Variants in TTLL11 observed in about 807,000 individuals in gnomAD.
The protein encoded by TTLL11 is tubulin polyglutamylase TTLL11.
A neutral mutation model predicts 51.7 loss-of-function variants in TTLL11; 42 were observed. The observed-to-expected ratio is 0.81, with a 90% CI of 0.64 to 1.05. TTLL11 has a LOEUF of 1.05. Ranked by LOEUF, TTLL11 falls within the 50% of genes least tolerant of loss-of-function variation. The pLI, the probability that TTLL11 is intolerant of heterozygous loss-of-function variation, is 0.00. For synonymous variants in TTLL11, 381 were observed against 383.5 expected (o/e 0.99, Z 0.08); for missense variants, 799 against 940.4 (o/e 0.85, Z 1.97).
chr9:121,977,524 A>G (rs572772277), intron 4 of TTLL11, among the ~76,000 whole-genome samples: 5 of 152,276 alleles, frequency 3.3e-5, no homozygotes, highest in African/African-American at 1.2e-4. Context: ...GGCTCATTTC[A>G]TATCTTAGTT....
intron 3 of TTLL11, among the ~76,000 whole-genome samples, chr9:121,999,645 CATTCTA>C (rs1843403303): frequency 1.3e-5 from 2 of 152,210 alleles, no homozygotes; most frequent in South Asian, 4.1e-4. Flanking sequence ...CATTAGTTTC[CATTCTA>C]ATAAGCAACC....
At chr9:121,939,131 C>G (rs1018559441) in intron 6 of TTLL11, among the ~76,000 whole-genome samples, 2 of 152,190 alleles carry the variant, frequency 1.3e-5, no homozygotes, top group African/African-American at 4.8e-5. Flanking sequence ...AACAACTTGG[C>G]TTTTCCTTAG....
intron 3 of TTLL11, among the ~76,000 whole-genome samples, chr9:122,028,555 A>G (rs966504034): frequency 3.3e-5 from 5 of 152,230 alleles, no homozygotes; most frequent in Non-Finnish European, 7.3e-5. Flanking sequence ...GACAGAACTA[A>G]AAAGAGAAGC....
chr9:122,036,391 T>G (rs1308313505), intron 2 of TTLL11, among the ~76,000 whole-genome samples: 1 of 151,794 alleles, frequency 6.6e-6, no homozygotes, highest in African/African-American at 2.4e-5. Flanking sequence ...GAATGGACAG[T>G]TTTGGACTTT....
At chr9:122,082,155 C>T (rs1846016906) in intron 1 of TTLL11, among the ~76,000 whole-genome samples, 1 of 152,186 alleles carries the variant, frequency 6.6e-6, no homozygotes, top group Admixed American at 6.5e-5. Context: ...TGCCCTTTCA[C>T]CCAACAATCC....
At chr9:122,048,950 C>T (rs1268096888) in intron 1 of TTLL11, among the ~76,000 whole-genome samples, 1 of 152,098 alleles carries the variant, frequency 6.6e-6, no homozygotes, top group Non-Finnish European at 1.5e-5. Flanking sequence ...GGCTTCAGCA[C>T]CCTGTAGGCT....
At chr9:122,009,261 G>A (rs1348925523) in intron 3 of TTLL11, among the ~76,000 whole-genome samples, 1 of 151,956 alleles carries the variant, frequency 6.6e-6, no homozygotes, top group African/African-American at 2.4e-5. Flanking sequence ...ATTCCATAAT[G>A]TATGCATATT....
At chr9:121,965,279 T>C (rs1225598224) in intron 6 of TTLL11, among the ~76,000 whole-genome samples, 1 of 152,182 alleles carries the variant, frequency 6.6e-6, no homozygotes, top group East Asian at 1.9e-4. Flanking sequence ...TGAAGAGGTT[T>C]AACTGACTTA....
intron 1 of TTLL11, among the ~76,000 whole-genome samples, chr9:122,045,808 T>C (rs976136974): frequency 6.6e-6 from 1 of 152,156 alleles, no homozygotes; most frequent in African/African-American, 2.4e-5. Context: ...AAGACAAATA[T>C]CGTATGATTC....
chr9:121,993,641 G>C (rs1039549369), intron 3 of TTLL11, among the ~76,000 whole-genome samples: 35 of 152,318 alleles, frequency 2.3e-4, no homozygotes, highest in African/African-American at 8.2e-4. Context: ...CAGCACATTG[G>C]GATGATCTAT....
At chr9:121,892,635 A>G (rs1034174297) in intron 6 of TTLL11, among the ~76,000 whole-genome samples, 1 of 152,160 alleles carries the variant, frequency 6.6e-6, no homozygotes, top group Non-Finnish European at 1.5e-5. Flanking sequence ...CCATATCAAG[A>G]ACCTTTTCTG....
At chr9:121,893,577 C>G (rs908461268) in intron 6 of TTLL11, among the ~76,000 whole-genome samples, 7 of 152,158 alleles carry the variant, frequency 4.6e-5, no homozygotes, top group Admixed American at 3.9e-4. Context: ...TTTCTGTTAT[C>G]AAAACATGTC....
intron 8 of TTLL11, among the ~76,000 whole-genome samples, chr9:121,841,393 G>A (rs556257512): frequency 6.6e-6 from 1 of 152,246 alleles, no homozygotes; most frequent in South Asian, 2.1e-4. Context: ...TGGAAGGGAG[G>A]GGCTTCTCCA....
rs928487833 is a variant in TTLL11, at chr9:121,926,214, G to A, written c.1481+47795C>T. On this transcript the variant is annotated intron_variant, in intron 6 of 8. Transcript: ENST00000321582. ...CTTCAGAGGGGCCCGGGGCTGGGGT[G>A]CACAGCCAGAACTGGCCCTGGGGGA... Among the ~76,000 whole-genome samples the A allele has an allele frequency of 3.3e-5, 5 of 152,294 alleles. No homozygotes were observed. The South Asian group carries it at 1.0e-3, about 32-fold the overall frequency.
chr9:122,021,744 A>C (rs1402831188), intron 3 of TTLL11, among the ~76,000 whole-genome samples: 1 of 152,210 alleles, frequency 6.6e-6, no homozygotes, highest in Non-Finnish European at 1.5e-5. Flanking sequence ...GAATATGGAA[A>C]TATCCAACAT....
intron 6 of TTLL11, among the ~76,000 whole-genome samples, chr9:121,892,873 C>A (rs1391461489): frequency 6.6e-6 from 1 of 152,120 alleles, no homozygotes; most frequent in African/African-American, 2.4e-5. Flanking sequence ...AGTGTCAGGT[C>A]TGGCAGTCAG....
At chr9:121,992,560 A>C (rs1178198948) in intron 3 of TTLL11, among the ~76,000 whole-genome samples, 1 of 152,236 alleles carries the variant, frequency 6.6e-6, no homozygotes, top group African/African-American at 2.4e-5. Context: ...AAATAAAAAT[A>C]CCATCTGAAA....
In TTLL11 at chr9:122,043,293, G is replaced by GAT. The variant is rs373226639; in HGVS notation, c.463-3927_463-3926dup. On this transcript the variant is annotated intron_variant, in intron 1 of 8. Transcript: ENST00000321582. Reference sequence around the variant, plus strand: ...TCAGTGTGGTACTGGCATAAAGACAGATATAGAGGACAGTGGGATAGGATA... The same window carrying GAT: ...TCAGTGTGGTACTGGCATAAAGACAGATATATAGAGGACAGTGGGATAGGATA... Among the ~76,000 whole-genome samples the GAT allele has an allele frequency of 7.5e-3, 1,145 of 152,286 alleles. 14 individuals carry two copies. Among genetic ancestry groups the GAT allele is most frequent in the African/African-American group, 0.026 (1,097 of 41,558 alleles).
chr9:121,899,402 T>TATACAC (rs1465376759), intron 6 of TTLL11, among the ~76,000 whole-genome samples: 2 of 82,752 alleles, frequency 2.4e-5, no homozygotes, highest in East Asian at 7.1e-4. Context: ...TATATATATA[T>TATACAC]ACACACACAC....
Sources: gnomAD v4.1 joint callset for allele counts (sites outside exome capture counted in the v4.1 genomes callset) on GRCh38, gnomAD v4.1.1 for gene constraint, MANE v1.5 for transcripts, NCBI Gene and HGNC (gene_info 2026-07-23, HGNC 2026-07-21) for gene names.